Variants in CNTRL observed in about 807,000 individuals in gnomAD.
The protein encoded by CNTRL is centriolin, also known as 110 kDa centrosomal protein.
A neutral mutation model predicts 303.7 loss-of-function variants in CNTRL; 233 were observed. That is an observed-to-expected ratio of 0.77 (90% CI 0.69 to 0.86). The LOEUF (loss-of-function observed/expected upper bound fraction) is 0.86, where lower values mean the gene tolerates loss of function less well. Among genes scored for constraint, CNTRL ranks in the 40% least tolerant of loss-of-function variants. CNTRL has a pLI of 0.00. For missense variants in CNTRL, 2,524 were observed against 2,650.6 expected, an observed-to-expected ratio of 0.95 and a Z score of 1.05; for synonymous variants, 900 against 922.2, an observed-to-expected ratio of 0.98 and a Z score of 0.44.
chr9:121,154,950 T>C (rs1160079186), intron 27 of CNTRL, 37 bp downstream of exon 27: 1 of 1,555,440 alleles, frequency 6.4e-7, no homozygotes, highest in South Asian at 1.1e-5. Flanking sequence ...GAGCTCAGTG[T>C]GGGTGAGTCA....
chr9:121,122,132 C>T (rs770151514), intron 12 of CNTRL, among the ~76,000 whole-genome samples: 1 of 152,006 alleles, frequency 6.6e-6, no homozygotes, highest in Non-Finnish European at 1.5e-5. Flanking sequence ...TTTTATCCTG[C>T]GTATAAAGGT....
chr9:121,142,669 C>A (rs527542503), intron 19 of CNTRL, among the ~76,000 whole-genome samples: 1 of 152,216 alleles, frequency 6.6e-6, no homozygotes, highest in African/African-American at 2.4e-5. Flanking sequence ...CCTCAACCAT[C>A]TACTCCCATT....
rs781093015 is a variant in CNTRL, at chr9:121,146,274, T to C, written c.3459+18T>C. The C allele has an allele frequency of 1.9e-6, 3 of 1,595,584 alleles. No individual in the cohort carries two copies. The highest frequency in any genetic ancestry group is 2.6e-6 in the Non-Finnish European group (3 of 1,174,922). On this transcript the variant is annotated intron_variant, in intron 23 of 43. Transcript: ENST00000373855. ...CATCAAAAGTAGGAATTCTGTGGTG[T>C]TGGGAATGTATACTGAATTTTCTTG...
At position 121,170,406 on chromosome 9, in the gene CNTRL, G is replaced by C. The variant is rs933369224; in HGVS notation, c.6276+590G>C. On this transcript the variant is annotated intron_variant, in intron 39 of 43. Coordinates refer to ENST00000373855, the MANE Select transcript of CNTRL (RefSeq NM_007018.6). Reference sequence around the variant, plus strand: ...TGATCCACCTGCCTCAGCCTCCCAAGGTGCTGGGATTACAGGCATGAGCTA... The same window carrying C: ...TGATCCACCTGCCTCAGCCTCCCAACGTGCTGGGATTACAGGCATGAGCTA... 2.0e-5 allele frequency among the ~76,000 whole-genome samples: 3 copies of C among 152,156 alleles called. No individual in the cohort carries two copies. The South Asian group carries it at 6.2e-4, about 32-fold the overall frequency.
chr9:121,140,867 C>T, intron 17 of CNTRL, 81 bp downstream of exon 17: 1 of 1,373,616 alleles, frequency 7.3e-7, no homozygotes, highest in Middle Eastern at 1.9e-4. Flanking sequence ...ATGATAAACT[C>T]ACCTTTCTAA....
Position 121,167,488 on chromosome 9 carries a change from G to T in CNTRL, c.5656-1G>T. The T allele has an allele frequency of 1.2e-6, 2 of 1,610,826 alleles. No homozygotes were observed. Among genetic ancestry groups the T allele is most frequent in the Non-Finnish European group, 1.7e-6 (2 of 1,178,774 alleles). ...GTTTCCACTTGTTCTTTCACCTAAA[G>T]GACCTGCTTCACACCACCAAGCATC... On this transcript the variant is annotated splice_acceptor_variant, in intron 36 of 43. Coordinates refer to ENST00000373855, the MANE Select transcript of CNTRL (RefSeq NM_007018.6). LOFTEE classifies it high-confidence loss of function.
At chr9:121,156,528 T>C in intron 27 of CNTRL, among the ~76,000 whole-genome samples, 1 of 152,216 alleles carries the variant, frequency 6.6e-6, no homozygotes, top group East Asian at 1.9e-4. Flanking sequence ...TGGTAAAATA[T>C]GTAGCTCTCT....
Position 121,168,264 on chromosome 9 carries a change from A to G in CNTRL, c.6013A>G (p.Thr2005Ala). 6.2e-7 allele frequency: 1 copy of G among 1,614,042 alleles called. No individual in the cohort carries two copies. The highest frequency in any genetic ancestry group is 1.1e-5 in the South Asian group (1 of 91,072). The stretch of plus-strand genomic sequence containing the variant: ...GCTGGCAGCTGAAGAGCGTGTTAGG[A>G]CTCTGCAGGAAGAGGAGAGGTGGTG... ...KVLAAEERVR[T>A]LQEEERWCES... is the part of the protein sequence containing the mutation. Residue 2005 changes from threonine to alanine, a missense_variant, in exon 38 of 44, where the codon ACT becomes GCT. Coordinates refer to ENST00000373855, the MANE Select transcript of CNTRL (RefSeq NM_007018.6).
At position 121,150,450 on chromosome 9, in the gene CNTRL, G is replaced by A; in HGVS notation, c.3930G>A (p.Val1310=). Residue 1310 remains valine, a synonymous_variant, in exon 25 of 44, where the codon GTG becomes GTA. Coordinates refer to ENST00000373855, the MANE Select transcript of CNTRL (RefSeq NM_007018.6). ...CCATCCCCTTCATCCCTATGGGTGT[G>A]CTGCATTGCAACGTCCCTGAACACC... ...NFSIPFIPMG[V]LHCNVPEHHN... is the part of the protein sequence containing the mutation. 1 of 1,614,158 alleles carries A rather than the reference G, an allele frequency of 6.2e-7. No homozygotes were observed. Among genetic ancestry groups the A allele is most frequent in the Non-Finnish European group, 8.5e-7 (1 of 1,180,046 alleles).
At chr9:121,107,214 G>A (rs930331863) in intron 7 of CNTRL, among the ~76,000 whole-genome samples, 7 of 152,120 alleles carry the variant, frequency 4.6e-5, no homozygotes, top group Admixed American at 6.5e-5. Flanking sequence ...GTAGGAGGTA[G>A]AGGAAGACAG....
intron 25 of CNTRL, among the ~76,000 whole-genome samples, chr9:121,150,811 C>T (rs1364925241): frequency 6.6e-6 from 1 of 152,226 alleles, no homozygotes; most frequent in African/African-American, 2.4e-5. Flanking sequence ...GGCCAGTCTA[C>T]AAACCTGGGT....
In CNTRL at chr9:121,096,472, C is replaced by T; in HGVS notation, c.530C>T (p.Ala177Val). ...TGTAATCTGCAAAAGCTTAACCTTG[C>T]AGGAAATGAAATTGAGCATATTCCA... ...NMCNLQKLNL[A>V]GNEIEHIPVW... Residue 177 changes from alanine (A) to valine (V), a missense_variant, in exon 6 of 44, where the codon GCA (alanine) becomes GTA (valine). Transcript: ENST00000373855. 1.3e-6 allele frequency: 2 copies of T among 1,572,836 alleles called. No individual in the cohort carries two copies. Among genetic ancestry groups the T allele is most frequent in the Non-Finnish European group, 8.6e-7 (1 of 1,156,764 alleles).
At chr9:121,173,167 T>G (rs2131928024) in intron 40 of CNTRL, 76 bp from the exon 41 acceptor site, 3 of 1,288,414 alleles carry the variant, frequency 2.3e-6, no homozygotes, top group East Asian at 4.8e-5. Flanking sequence ...TTTAAATACA[T>G]GGCACATCAT....
intron 6 of CNTRL, among the ~76,000 whole-genome samples, chr9:121,096,927 G>A (rs1446622530): frequency 6.6e-6 from 1 of 151,352 alleles, no homozygotes; most frequent in Non-Finnish European, 1.5e-5. Context: ...CACATTTTGT[G>A]CCAGGATCCA....
intron 22 of CNTRL, 23 bp from the exon 23 acceptor site, chr9:121,146,085 C>A (rs2051835177): frequency 5.7e-6 from 9 of 1,571,098 alleles, no homozygotes; most frequent in Non-Finnish European, 7.8e-6. Context: ...ATATCAATTT[C>A]ATAGAATGAC....
chr9:121,127,727 G>A (rs1301261911), intron 14 of CNTRL, among the ~76,000 whole-genome samples: 2 of 151,764 alleles, frequency 1.3e-5, no homozygotes, highest in African/African-American at 2.4e-5. Context: ...CATGTTTCAC[G>A]TTGGTTTGCT....
intron 13 of CNTRL, 77 bp downstream of exon 13, chr9:121,124,161 C>G (rs756339498): frequency 1.2e-5 from 15 of 1,272,144 alleles, no homozygotes; most frequent in Non-Finnish European, 1.6e-5. Flanking sequence ...AAGCATTAAT[C>G]CAGATAGTAG....
chr9:121,119,106 G>GTGTA (rs1554747357), intron 12 of CNTRL, among the ~76,000 whole-genome samples: 2 of 149,040 alleles, frequency 1.3e-5, no homozygotes, highest in African/African-American at 5.0e-5. Flanking sequence ...GTGTGTGTGT[G>GTGTA]TATACACACA....
At chr9:121,095,496 T>C (rs539252703) in intron 5 of CNTRL, among the ~76,000 whole-genome samples, 12 of 152,256 alleles carry the variant, frequency 7.9e-5, no homozygotes, top group African/African-American at 2.6e-4. Context: ...ATAAACATAC[T>C]AAAACTGACA....
Sources: gnomAD v4.1 joint callset for allele counts (sites outside exome capture counted in the v4.1 genomes callset) on GRCh38, gnomAD v4.1.1 for gene constraint, MANE v1.5 for transcripts, NCBI Gene and HGNC (gene_info 2026-07-23, HGNC 2026-07-21) for gene names.